CACNA1H: variants seen among roughly 807,000 people sequenced by gnomAD.
CACNA1H encodes the protein calcium voltage-gated channel subunit alpha1 H.
In CACNA1H, 149 loss-of-function variants were observed where a neutral mutation model predicts 192.5. The ratio of observed to expected loss-of-function variants is 0.77; its 90% CI spans 0.68 to 0.89. CACNA1H has a LOEUF of 0.89. CACNA1H is among the 40% of genes least tolerant of loss of function. The pLI is 0.00. For missense variants in CACNA1H, 4,257 were observed against 3,423.5 expected, an observed-to-expected ratio of 1.24 and a Z score of -6.08; for synonymous variants, 2,202 against 1,475.2, an observed-to-expected ratio of 1.49 and a Z score of -11.29.
chr16:1,219,181 G>A (rs1970282260), intron 34 of CACNA1H, 51 bp downstream of exon 34: 13 of 1,462,084 alleles, frequency 8.9e-6, no homozygotes, highest in Non-Finnish European at 1.2e-5. Context: ...TGGGGGGCTT[G>A]CAGGGATGCC....
In CACNA1H at chr16:1,210,921, C is replaced by A. The variant is rs1344819706; in HGVS notation, c.4173C>A (p.Ile1391=). ...TGGCCTCGGCTGGTGGCGCCAAGATCCTGGGTGTTCTGCGCGTGCTGCGTC... is the reference window on the plus strand; with the variant it reads ...TGGCCTCGGCTGGTGGCGCCAAGATACTGGGTGTTCTGCGCGTGCTGCGTC... ...VAMASAGGAK[I]LGVLRVLRLL... The change falls in exon 21 of 35, where the codon ATC becomes ATA. Residue 1391 remains isoleucine, a synonymous_variant. Transcript: ENST00000348261. 6.2e-7 allele frequency: 1 copy of A among 1,602,712 alleles called. No homozygotes were observed. The highest frequency in any genetic ancestry group is 8.5e-7 in the Non-Finnish European group (1 of 1,179,684).
At chr16:1,212,371 A>G in intron 25 of CACNA1H, 140 bp from the exon 26 acceptor site, 1 of 1,032,324 alleles carries the variant, frequency 9.7e-7, no homozygotes, top group African/African-American at 1.6e-5. Flanking sequence ...AGCGCCCAAG[A>G]GGCAGGTTCC....
At position 1,211,760 on chromosome 16, in the gene CACNA1H, G is replaced by A; in HGVS notation, c.4521G>A (p.Val1507=). 6.2e-7 allele frequency: 1 copy of A among 1,612,726 alleles called. No homozygotes were observed. The highest frequency in any genetic ancestry group is 8.5e-7 in the Non-Finnish European group (1 of 1,179,740). Residue 1507 remains valine, a synonymous_variant, in exon 24 of 35, where the codon GTG becomes GTA. Coordinates refer to ENST00000348261, the MANE Select transcript of CACNA1H (RefSeq NM_021098.3). ...LFVLSSKDGW[V]NIMYDGLDAV... ...TGCTGTCATCCAAGGATGGATGGGTGAACATCATGTACGACGGGCTGGATG... is the reference window on the plus strand; with the variant it reads ...TGCTGTCATCCAAGGATGGATGGGTAAACATCATGTACGACGGGCTGGATG...
At chr16:1,211,658 G>A (rs755577999) in intron 23 of CACNA1H, 52 bp downstream of exon 23, 61 of 1,610,004 alleles carry the variant, frequency 3.8e-5, no homozygotes, top group South Asian at 8.8e-5. Context: ...ACCCTGGAGC[G>A]AGAGGGCCGG....
At chr16:1,161,076 C>T (rs78750495) in intron 2 of CACNA1H, among the ~76,000 whole-genome samples, 3,794 of 152,216 alleles carry the variant, frequency 0.025, 139 homozygotes, top group African/African-American at 0.071. Context: ...ACAGTTGCAC[C>T]CCCAGCCCTG....
intron 9 of CACNA1H, 69 bp downstream of exon 9, chr16:1,202,521 T>G (rs1968087526): frequency 7.4e-7 from 1 of 1,348,742 alleles, no homozygotes; most frequent in South Asian, 1.5e-5. Context: ...GTCTCCGGTG[T>G]GTCATTCCCA....
At position 1,194,754 on chromosome 16, in the gene CACNA1H, C is replaced by G. The variant is rs566562189; in HGVS notation, c.300-218C>G. Among the ~76,000 whole-genome samples the G allele has an allele frequency of 2.0e-5, 3 of 152,182 alleles. No individual in the cohort carries two copies. The South Asian group carries it at 6.2e-4, about 32-fold the overall frequency. ...GGGCCAGGGGGCCGGGCCTGGGACC[C>G]TCACGGAGCAGAGCCCGGCCAGGCG... is the stretch of plus-strand genomic sequence containing the variant. On this transcript the variant is annotated intron_variant, in intron 2 of 34. Coordinates refer to ENST00000348261, the MANE Select transcript of CACNA1H (RefSeq NM_021098.3).
chr16:1,167,672 G>A lies in CACNA1H; in HGVS notation c.299+13636G>A, dbSNP rs1048615938. On this transcript the variant is annotated intron_variant, in intron 2 of 34. Transcript: ENST00000348261. This position sits in a 1 kb window ranked among gnomAD's most constrained non-coding sequence, Gnocchi z 4.2. ...CGGCCCGGCCTGTGTTACATAAAGCGGTTTGGCCCATGCAAGCCGGCTCCT... is the reference window on the plus strand; with the variant it reads ...CGGCCCGGCCTGTGTTACATAAAGCAGTTTGGCCCATGCAAGCCGGCTCCT... Among the ~76,000 whole-genome samples the A allele has an allele frequency of 8.5e-5, 13 of 152,180 alleles. No homozygotes were observed. Among genetic ancestry groups the A allele is most frequent in the Admixed American group, 7.2e-4 (11 of 15,286 alleles).
chr16:1,197,600 C>T (rs1345440788), intron 5 of CACNA1H, among the ~76,000 whole-genome samples: 1 of 152,230 alleles, frequency 6.6e-6, no homozygotes, highest in Non-Finnish European at 1.5e-5. Context: ...CCACTCTGAC[C>T]TCTGGGTCAT....
intron 2 of CACNA1H, among the ~76,000 whole-genome samples, chr16:1,193,783 G>C (rs915816964): frequency 6.6e-6 from 1 of 152,136 alleles, no homozygotes; most frequent in Non-Finnish European, 1.5e-5. Flanking sequence ...CCCTGGCTTG[G>C]TGGGAGGGAG....
At chr16:1,155,199 G>T (rs889763745) in intron 2 of CACNA1H, among the ~76,000 whole-genome samples, 2 of 152,220 alleles carry the variant, frequency 1.3e-5, no homozygotes, top group Non-Finnish European at 2.9e-5. Context: ...ACTCATCTCT[G>T]CTTGTAGAGG....
chr16:1,198,815 C>T (rs1244603080), intron 6 of CACNA1H, 41 bp downstream of exon 6: 2 of 1,570,368 alleles, frequency 1.3e-6, no homozygotes, highest in Non-Finnish European at 1.7e-6. Flanking sequence ...GCCCAGATGG[C>T]CCTGCCCACC....
rs771516522 is a variant in CACNA1H, at chr16:1,167,456, G to A, written c.299+13420G>A. Among the ~76,000 whole-genome samples the A allele has an allele frequency of 6.6e-6, 1 of 151,894 alleles. No homozygotes were observed. Among genetic ancestry groups the A allele is most frequent in the Admixed American group, 6.5e-5 (1 of 15,270 alleles). On this transcript the variant is annotated intron_variant, in intron 2 of 34. Coordinates refer to ENST00000348261, the MANE Select transcript of CACNA1H (RefSeq NM_021098.3). This position sits in a 1 kb window ranked among gnomAD's most constrained non-coding sequence, Gnocchi z 4.2. ...TGGAGAATTTCAACACCCACACTTGGAATAAAAAAAAAAATTATTAATGAG... is the reference window on the plus strand; with the variant it reads ...TGGAGAATTTCAACACCCACACTTGAAATAAAAAAAAAAATTATTAATGAG...
At chr16:1,178,803 G>C (rs1186290427) in intron 2 of CACNA1H, among the ~76,000 whole-genome samples, 1 of 152,252 alleles carries the variant, frequency 6.6e-6, no homozygotes. Context: ...AGTCGGGGTT[G>C]GGGTGAAGAG....
chr16:1,203,595 G>A (rs764978398), intron 9 of CACNA1H, among the ~76,000 whole-genome samples: 3 of 152,160 alleles, frequency 2.0e-5, no homozygotes, highest in Non-Finnish European at 4.4e-5. Flanking sequence ...AAATCACTCA[G>A]CTCTGGAGGC....
At chr16:1,204,732 G>A (rs1321902741) in intron 10 of CACNA1H, among the ~76,000 whole-genome samples, 2 of 151,760 alleles carry the variant, frequency 1.3e-5, no homozygotes, top group African/African-American at 4.8e-5. Flanking sequence ...GGGTCTTGAT[G>A]CAGCCAAACC....
intron 26 of CACNA1H, among the ~76,000 whole-genome samples, chr16:1,212,846 C>T (rs528103116): frequency 3.9e-5 from 6 of 152,340 alleles, no homozygotes; most frequent in East Asian, 1.9e-4. Context: ...CCTGACTGGC[C>T]GCGGGCCCTC....
Position 1,204,372 on chromosome 16 carries a change from A to T in CACNA1H, c.2365A>T (p.Ile789Phe). 6.4e-7 allele frequency: 1 copy of T among 1,569,122 alleles called. No individual in the cohort carries two copies. Among genetic ancestry groups the T allele is most frequent in the Non-Finnish European group, 8.6e-7 (1 of 1,158,872 alleles). ...WVTFSGKLRR[I>F]VDSKYFSRGI... Reference sequence around the variant, plus strand: ...TACCTTCAGCGGCAAGCTGCGCCGCATCGTGGACAGCAAGTACTTCAGCCG... The same window carrying T: ...TACCTTCAGCGGCAAGCTGCGCCGCTTCGTGGACAGCAAGTACTTCAGCCG... Residue 789 changes from isoleucine to phenylalanine, a missense_variant, in exon 10 of 35, where the codon ATC becomes TTC. Physicochemically the swap from Ile to Phe is conservative, Grantham distance 21. Transcript: ENST00000348261.
chr16:1,205,549 G>A (rs1354409613), intron 11 of CACNA1H, among the ~76,000 whole-genome samples: 1 of 152,240 alleles, frequency 6.6e-6, no homozygotes, highest in Non-Finnish European at 1.5e-5. Flanking sequence ...GCTGTTTCCT[G>A]CAGGAACAAA....
Sources: allele counts gnomAD v4.1 joint callset (sites outside exome capture counted in the v4.1 genomes callset), GRCh38; gene constraint gnomAD v4.1.1; non-coding constraint Gnocchi (gnomAD v3.1); transcripts MANE v1.5; gene names NCBI Gene and HGNC (gene_info 2026-07-23, HGNC 2026-07-21).